The following NRXN1 variants were observed in gnomAD, a reference collection of about 807,000 sequenced individuals.
NRXN1 encodes neurexin 1, also known as neurexin-1.
Under a neutral mutation model 150.9 loss-of-function variants are expected in NRXN1, and 39 were observed. The observed-to-expected ratio is 0.26, with a 90% CI of 0.20 to 0.34. The LOEUF (loss-of-function observed/expected upper bound fraction) is 0.34, where lower values mean the gene tolerates loss of function less well. NRXN1 is among the 10% of genes least tolerant of loss of function. The pLI, the probability that NRXN1 is intolerant of heterozygous loss-of-function variation, is 1.00. For missense variants in NRXN1, 1,815 were observed against 1,949.9 expected, an observed-to-expected ratio of 0.93 and a Z score of 1.30; for synonymous variants, 924 against 757.0, an observed-to-expected ratio of 1.22 and a Z score of -3.62.
intron 5 of NRXN1, among the ~76,000 whole-genome samples, chr2:50,647,008 T>C (rs1212540395): frequency 1.3e-5 from 2 of 151,284 alleles, no homozygotes. Context: ...AAGCATTATA[T>C]TGTTTGAGAG....
At chr2:50,186,405 T>C (rs1023855868) in intron 18 of NRXN1, among the ~76,000 whole-genome samples, 51 of 152,090 alleles carry the variant, frequency 3.4e-4, no homozygotes, top group Non-Finnish European at 1.8e-4. Context: ...GGATGAAATG[T>C]TATGTTCAGA....
chr2:50,486,795 T>C (rs74531799), intron 15 of NRXN1, among the ~76,000 whole-genome samples: 4,524 of 152,150 alleles, frequency 0.03, 208 homozygotes, highest in East Asian at 0.23. Flanking sequence ...CTAGGGTAGT[T>C]ATGGGAAATT....
At chr2:50,174,407 A>T (rs1010509590) in intron 18 of NRXN1, among the ~76,000 whole-genome samples, 25 of 152,174 alleles carry the variant, frequency 1.6e-4, no homozygotes, top group African/African-American at 6.0e-4. Context: ...ATTTGTATCA[A>T]ATTCAACATA....
intron 5 of NRXN1, among the ~76,000 whole-genome samples, chr2:50,847,548 C>G (rs1289139643): frequency 6.6e-6 from 1 of 152,160 alleles, no homozygotes; most frequent in Non-Finnish European, 1.5e-5. Context: ...CAGGTGAGAA[C>G]AGGCATTTCC....
At chr2:50,767,128 G>A (rs890182519) in intron 5 of NRXN1, among the ~76,000 whole-genome samples, 1 of 152,022 alleles carries the variant, frequency 6.6e-6, no homozygotes, top group Non-Finnish European at 1.5e-5. Flanking sequence ...GTCTTGCTTA[G>A]TCAAATTTGA....
At chr2:50,198,043 T>C (rs1385999496) in intron 18 of NRXN1, among the ~76,000 whole-genome samples, 1 of 152,136 alleles carries the variant, frequency 6.6e-6, no homozygotes, top group Non-Finnish European at 1.5e-5. Flanking sequence ...CTATGTTTAA[T>C]TGACTACCTT....
intron 17 of NRXN1, among the ~76,000 whole-genome samples, chr2:50,280,209 C>G (rs927806135): frequency 7.1e-6 from 1 of 141,586 alleles, no homozygotes; most frequent in Non-Finnish European, 1.5e-5. Context: ...ACACGGGAGG[C>G]GGAGCTTGCA....
intron 8 of NRXN1, among the ~76,000 whole-genome samples, chr2:50,608,467 A>G (rs141646535): frequency 3.6e-4 from 55 of 152,246 alleles, no homozygotes; most frequent in African/African-American, 1.3e-3. Flanking sequence ...ATCTCTAGGT[A>G]TGCTATGAGT....
intron 18 of NRXN1, among the ~76,000 whole-genome samples, chr2:50,114,747 A>G (rs1702808852): frequency 6.6e-6 from 1 of 152,102 alleles, no homozygotes; most frequent in African/African-American, 2.4e-5. Flanking sequence ...ATACTAAGCT[A>G]AAGAAACTAA....
At chr2:50,635,336 T>C (rs1573906373) in intron 5 of NRXN1, among the ~76,000 whole-genome samples, 1 of 151,030 alleles carries the variant, frequency 6.6e-6, no homozygotes, top group Non-Finnish European at 1.5e-5. Flanking sequence ...TTTTTTTTTT[T>C]CTGTATTTTT....
chr2:50,710,964 C>G (rs1235683460), intron 5 of NRXN1, among the ~76,000 whole-genome samples: 1 of 152,130 alleles, frequency 6.6e-6, no homozygotes, highest in Non-Finnish European at 1.5e-5. Context: ...AAATTTACCT[C>G]TGTGGCCCCC....
chr2:50,447,431 G>C (rs111369930), intron 17 of NRXN1, among the ~76,000 whole-genome samples: 7,069 of 120,620 alleles, frequency 0.059, 258 homozygotes, highest in Middle Eastern at 0.17. Context: ...AGTGAGCTCA[G>C]ATTGTGACAC....
At chr2:50,027,380 T>TC (rs1688506071) in intron 21 of NRXN1, among the ~76,000 whole-genome samples, 1 of 135,770 alleles carries the variant, frequency 7.4e-6, no homozygotes, top group African/African-American at 2.9e-5. Flanking sequence ...CTTCCTTCCT[T>TC]CCTCCCTCCC....
intron 17 of NRXN1, among the ~76,000 whole-genome samples, chr2:50,257,890 A>T (rs1171292156): frequency 8.0e-6 from 1 of 125,256 alleles, no homozygotes; most frequent in Non-Finnish European, 1.8e-5. Flanking sequence ...AAGTATCTGC[A>T]CAATTTTTTT....
intron 12 of NRXN1, among the ~76,000 whole-genome samples, chr2:50,514,341 T>C (rs1210971580): frequency 6.6e-6 from 1 of 152,194 alleles, no homozygotes; most frequent in Non-Finnish European, 1.5e-5. Flanking sequence ...TACAGTACCA[T>C]AGCATCTGAG....
At chr2:51,015,141 T>C (rs560385655) in intron 2 of NRXN1, among the ~76,000 whole-genome samples, 6 of 152,208 alleles carry the variant, frequency 3.9e-5, no homozygotes, top group Non-Finnish European at 5.9e-5. Flanking sequence ...AATGTCCTCA[T>C]TGTTTCAAAT....
chr2:50,849,331 G>A (rs564625471), intron 5 of NRXN1, among the ~76,000 whole-genome samples: 18 of 152,250 alleles, frequency 1.2e-4, no homozygotes, highest in African/African-American at 3.1e-4. Flanking sequence ...CCCTTAACAC[G>A]TAAATCTTCT....
intron 21 of NRXN1, among the ~76,000 whole-genome samples, chr2:50,009,246 G>C (rs910880008): frequency 6.6e-6 from 1 of 152,040 alleles, no homozygotes; most frequent in African/African-American, 2.4e-5. Flanking sequence ...GGTAGCTATT[G>C]TCACAATCTC....
chr2:50,226,527 G>A (rs1254267509), intron 18 of NRXN1, among the ~76,000 whole-genome samples: 1 of 151,890 alleles, frequency 6.6e-6, no homozygotes, highest in African/African-American at 2.4e-5. Flanking sequence ...GCACAAGGAG[G>A]AGGGGGAGAA....
Sources: allele counts gnomAD v4.1 joint callset (sites outside exome capture counted in the v4.1 genomes callset), GRCh38; gene constraint gnomAD v4.1.1; transcripts MANE v1.5; gene names NCBI Gene and HGNC (gene_info 2026-07-23, HGNC 2026-07-21).